Variants in JARID2 observed in about 807,000 individuals in gnomAD.
JARID2 encodes protein Jumonji.
Under a neutral mutation model 125.6 loss-of-function variants are expected in JARID2, and 21 were observed. The ratio of observed to expected loss-of-function variants is 0.17; its 90% CI spans 0.12 to 0.24. The LOEUF (loss-of-function observed/expected upper bound fraction) is 0.24. Ranked by LOEUF, JARID2 falls within the 10% of genes least tolerant of loss-of-function variation. JARID2 has a pLI of 1.00. For synonymous variants in JARID2, 736 were observed against 661.6 expected, an observed-to-expected ratio of 1.11 and a Z score of -1.73; for missense variants, 1,303 against 1,639.6, an observed-to-expected ratio of 0.79 and a Z score of 3.55.
chr6:15,421,531 C>A (rs1766489592), intron 3 of JARID2, among the ~76,000 whole-genome samples: 1 of 152,140 alleles, frequency 6.6e-6, no homozygotes, highest in African/African-American at 2.4e-5. Context: ...CATAATAAAG[C>A]CTGTGACTAT....
At chr6:15,472,206 C>A (rs1045930696) in intron 5 of JARID2, among the ~76,000 whole-genome samples, 1 of 151,456 alleles carries the variant, frequency 6.6e-6, no homozygotes, top group Non-Finnish European at 1.5e-5. Flanking sequence ...ACCGACACAC[C>A]CACCTCCTAC....
At chr6:15,325,898 A>G (rs1762519355) in intron 1 of JARID2, among the ~76,000 whole-genome samples, 1 of 152,194 alleles carries the variant, frequency 6.6e-6, no homozygotes, top group African/African-American at 2.4e-5. Context: ...GCCAGATATT[A>G]AAGACTTTTG....
At chr6:15,352,822 G>A (rs763288626) in intron 1 of JARID2, among the ~76,000 whole-genome samples, 3 of 152,264 alleles carry the variant, frequency 2.0e-5, no homozygotes, top group Middle Eastern at 3.4e-3. Context: ...AAATAAATAC[G>A]CATAGCATAG....
At chr6:15,373,771 C>T (rs1426279504) in intron 1 of JARID2, among the ~76,000 whole-genome samples, 1 of 152,168 alleles carries the variant, frequency 6.6e-6, no homozygotes, top group Non-Finnish European at 1.5e-5. Flanking sequence ...TAAAATGATC[C>T]ATTATCCTTC....
intron 1 of JARID2, among the ~76,000 whole-genome samples, chr6:15,312,247 G>T (rs1241822284): frequency 6.6e-6 from 1 of 152,118 alleles, no homozygotes; most frequent in Admixed American, 6.5e-5. Flanking sequence ...TAGAGACAGG[G>T]TTTCACTGTC....
chr6:15,477,124 C>T (rs1007555749), intron 5 of JARID2, among the ~76,000 whole-genome samples: 7 of 152,194 alleles, frequency 4.6e-5, no homozygotes, highest in African/African-American at 1.7e-4. Flanking sequence ...TTTTAAACAG[C>T]ATGTCATTGG....
chr6:15,505,471 C>T (rs1770959987), intron 9 of JARID2, among the ~76,000 whole-genome samples: 1 of 151,896 alleles, frequency 6.6e-6, no homozygotes, highest in Non-Finnish European at 1.5e-5. Context: ...GGTTTTAGAC[C>T]TGTGACCTTC....
chr6:15,369,332 A>T (rs766883152), intron 1 of JARID2: 10 of 460,596 alleles, frequency 2.2e-5, no homozygotes, highest in Admixed American at 7.0e-5. Context: ...TTATGACCAT[A>T]TACAAGTTTG....
intron 3 of JARID2, among the ~76,000 whole-genome samples, chr6:15,449,921 T>G (rs1366949033): frequency 6.6e-6 from 1 of 152,172 alleles, no homozygotes; most frequent in African/African-American, 2.4e-5. Context: ...CTCATAACAT[T>G]GTAGTACTTT....
intron 3 of JARID2, among the ~76,000 whole-genome samples, chr6:15,422,404 T>C (rs140291158): frequency 1.3e-5 from 2 of 152,336 alleles, no homozygotes; most frequent in African/African-American, 4.8e-5. Context: ...GCCTTCACCT[T>C]GATCAGCAAG....
intron 4 of JARID2, among the ~76,000 whole-genome samples, chr6:15,459,641 C>T (rs1440347292): frequency 6.6e-6 from 1 of 152,170 alleles, no homozygotes; most frequent in Non-Finnish European, 1.5e-5. Context: ...GTCTAAAAGA[C>T]CAGCTGAATC....
In JARID2 at chr6:15,496,717, C is replaced by G. The variant is rs371504573; in HGVS notation, c.1492C>G (p.Arg498Gly). 1.2e-6 allele frequency: 2 copies of G among 1,613,602 alleles called. No individual in the cohort carries two copies. The highest frequency in any genetic ancestry group is 1.7e-6 in the Non-Finnish European group (2 of 1,179,946). Residue 498 changes from arginine to glycine, a missense_variant, in exon 7 of 18, where the codon CGG becomes GGG. Physicochemically the swap from Arg to Gly is moderately radical, Grantham distance 125. This residue lies in a region of JARID2 where 651 missense variants were observed against 581.6 expected (regional missense o/e 1.12). Coordinates refer to ENST00000341776, the MANE Select transcript of JARID2 (RefSeq NM_004973.4). ...GCCGGAGCGCAGTCTGGAGAGGAAT[C>G]GGCCGAAGCGGGCCACGGCCGGGAA... ...EVPERSLERN[R>G]PKRATAGKST...
Position 15,496,644 on chromosome 6 carries a change from G to A in JARID2, c.1419G>A (p.Lys473=), listed in dbSNP as rs747703923. Residue 473 remains lysine, a synonymous_variant, in exon 7 of 18, where the codon AAG becomes AAA. Coordinates refer to ENST00000341776, the MANE Select transcript of JARID2 (RefSeq NM_004973.4). ...AAGPAEGPGK[K]APAERGLLNG... is the part of the protein sequence containing the mutation. Reference sequence around the variant, plus strand: ...GCCCCGCCGAAGGCCCTGGCAAGAAGGCCCCGGCCGAGAGAGGTCTGCTGA... The same window carrying A: ...GCCCCGCCGAAGGCCCTGGCAAGAAAGCCCCGGCCGAGAGAGGTCTGCTGA... 3 of 1,611,484 alleles carry A rather than the reference G, an allele frequency of 1.9e-6. No homozygotes were observed. The highest frequency in any genetic ancestry group is 2.2e-5 in the South Asian group (2 of 90,960).
At chr6:15,267,538 ACT>A (rs1276579289) in intron 1 of JARID2, among the ~76,000 whole-genome samples, 5 of 151,972 alleles carry the variant, frequency 3.3e-5, no homozygotes, top group East Asian at 1.9e-4. Flanking sequence ...ATGTAGACAG[ACT>A]CTGAATGCTC....
chr6:15,247,879 A>G (rs1759244346), intron 1 of JARID2: 1 of 985,320 alleles, frequency 1.0e-6, no homozygotes, highest in Non-Finnish European at 1.2e-6. Flanking sequence ...GTAGAATGCA[A>G]AGGACTAGTT....
intron 1 of JARID2, among the ~76,000 whole-genome samples, chr6:15,362,083 C>T (rs553575303): frequency 1.4e-4 from 22 of 151,794 alleles, no homozygotes; most frequent in South Asian, 4.2e-4. Flanking sequence ...TAGTGGGTTC[C>T]GCCATGTTGG....
intron 1 of JARID2, among the ~76,000 whole-genome samples, chr6:15,359,465 G>C (rs1037174289): frequency 5.3e-5 from 8 of 152,012 alleles, no homozygotes; most frequent in African/African-American, 1.9e-4. Flanking sequence ...AACCTGAATA[G>C]TCTTGGTGTT....
intron 12 of JARID2, among the ~76,000 whole-genome samples, chr6:15,510,359 C>T (rs577128765): frequency 1.3e-5 from 2 of 152,160 alleles, no homozygotes; most frequent in African/African-American, 4.8e-5. Flanking sequence ...CCCCCTCATT[C>T]ATGCTGTGAG....
At chr6:15,495,561 C>T (rs546742240) in intron 6 of JARID2, among the ~76,000 whole-genome samples, 5 of 152,330 alleles carry the variant, frequency 3.3e-5, no homozygotes, top group East Asian at 1.9e-4. Flanking sequence ...ACCACATGAG[C>T]ACTGCTGTTC....
Sources: gnomAD v4.1 joint callset for allele counts (sites outside exome capture counted in the v4.1 genomes callset) on GRCh38, gnomAD v4.1.1 for gene constraint, gnomAD v4.1.1 regional missense constraint, MANE v1.5 for transcripts, NCBI Gene and HGNC (gene_info 2026-07-23, HGNC 2026-07-21) for gene names.